The following RNF13 variants were observed in gnomAD, a reference collection of about 807,000 sequenced individuals.
The protein encoded by RNF13 is E3 ubiquitin-protein ligase RNF13.
In RNF13, 19 loss-of-function variants were observed where a neutral mutation model predicts 37.7. That is an observed-to-expected ratio of 0.50 (90% CI 0.35 to 0.74). RNF13 has a LOEUF of 0.74. Ranked by LOEUF, RNF13 falls within the 30% of genes least tolerant of loss-of-function variation. The pLI is 0.01. For synonymous variants in RNF13, 144 were observed against 157.8 expected (o/e 0.91, Z 0.65); for missense variants, 375 against 453.0 (o/e 0.83, Z 1.56).
At chr3:149,875,927 A>C (rs1449517498) in intron 4 of RNF13, among the ~76,000 whole-genome samples, 3 of 2,024 alleles carry the variant, frequency 1.5e-3, no homozygotes. Flanking sequence ...TTTGAGGGAG[A>C]TATTTCTCAA....
intron 1 of RNF13, among the ~76,000 whole-genome samples, chr3:149,844,126 C>A (rs1242220911): frequency 6.6e-6 from 1 of 152,106 alleles, no homozygotes; most frequent in Non-Finnish European, 1.5e-5. Context: ...ACAACTATAC[C>A]TTATTTTGTA....
chr3:149,836,821 T>C (rs752354374), intron 1 of RNF13, among the ~76,000 whole-genome samples: 5 of 152,224 alleles, frequency 3.3e-5, no homozygotes, highest in Non-Finnish European at 5.9e-5. Context: ...CTCAGCCTGC[T>C]AAGGAAGGAA....
At position 149,960,736 on chromosome 3, in the gene RNF13, A is replaced by G; in HGVS notation, c.782-4A>G. ...AACTAAAGATGTATATTTTGCTTCAACAGCTTATCACTGCAAGTGTGTAGA... is the reference window on the plus strand; with the variant it reads ...AACTAAAGATGTATATTTTGCTTCAGCAGCTTATCACTGCAAGTGTGTAGA... On this transcript the variant is annotated splice_region_variant and splice_polypyrimidine_tract_variant and intron_variant, in intron 9 of 9. Transcript: ENST00000392894. 1 of 1,592,656 alleles carries G rather than the reference A, an allele frequency of 6.3e-7. No homozygotes were observed. Among genetic ancestry groups the G allele is most frequent in the Non-Finnish European group, 8.5e-7 (1 of 1,172,584 alleles).
intron 8 of RNF13, among the ~76,000 whole-genome samples, chr3:149,922,630 C>T (rs1718261453): frequency 6.6e-6 from 1 of 152,126 alleles, no homozygotes; most frequent in Non-Finnish European, 1.5e-5. Flanking sequence ...GTTGTATTAA[C>T]TAAACACATA....
intron 6 of RNF13, among the ~76,000 whole-genome samples, chr3:149,905,169 A>G (rs938803701): frequency 6.6e-6 from 1 of 152,148 alleles, no homozygotes; most frequent in African/African-American, 2.4e-5. Context: ...TTTTTGCTAG[A>G]TATTGTCAAT....
intron 1 of RNF13, among the ~76,000 whole-genome samples, chr3:149,814,957 T>G (rs1719277430): frequency 6.6e-6 from 1 of 152,088 alleles, no homozygotes; most frequent in African/African-American, 2.4e-5. Context: ...AACCTCTGCC[T>G]TTGTTTGAAG....
rs191327402 is a variant in RNF13, at chr3:149,831,009, G to A, written c.-16-15002G>A. The stretch of plus-strand genomic sequence containing the variant: ...TCCACGTGGTGTTGAGCTGCAAGGT[G>A]CACAGAAGTCCAGAACTGAGGTTTG... On this transcript the variant is annotated intron_variant, in intron 1 of 9. Transcript: ENST00000392894. Among the ~76,000 whole-genome samples the A allele has an allele frequency of 5.3e-5, 8 of 152,380 alleles. No individual in the cohort carries two copies. The East Asian group carries it at 1.2e-3, about 22-fold the overall frequency.
intron 8 of RNF13, among the ~76,000 whole-genome samples, chr3:149,956,759 C>T (rs1163259179): frequency 6.6e-6 from 1 of 152,164 alleles, no homozygotes; most frequent in Non-Finnish European, 1.5e-5. Context: ...GACATCTTAT[C>T]CACTAGTGAA....
chr3:149,950,912 G>C (rs1349925685), intron 8 of RNF13, among the ~76,000 whole-genome samples: 1 of 152,126 alleles, frequency 6.6e-6, no homozygotes, highest in African/African-American at 2.4e-5. Context: ...ATGTAGGTTA[G>C]AGCTGATGGG....
rs991855687 is a variant in RNF13 at position 149,824,341 on chromosome 3, G to A, written c.-17+10988G>A. Reference sequence around the variant, plus strand: ...AAGGAACTTTGCAGATGTGATTAAGGACCTCGGGTTGGGAAGATTATCTGT... The same window carrying A: ...AAGGAACTTTGCAGATGTGATTAAGAACCTCGGGTTGGGAAGATTATCTGT... On this transcript the variant is annotated intron_variant, in intron 1 of 9. Coordinates refer to ENST00000392894, the MANE Select transcript of RNF13 (RefSeq NM_183381.3). 4.6e-5 allele frequency among the ~76,000 whole-genome samples: 7 copies of A among 152,322 alleles called. No individual in the cohort carries two copies. The East Asian group carries it at 1.4e-3, about 29-fold the overall frequency.
intron 7 of RNF13, among the ~76,000 whole-genome samples, chr3:149,917,996 T>C (rs977232678): frequency 3.9e-5 from 6 of 152,200 alleles, no homozygotes; most frequent in Non-Finnish European, 4.4e-5. Flanking sequence ...TTTTCTATTT[T>C]CTGAAGCAGT....
chr3:149,856,025 A>G (rs1435288953), intron 3 of RNF13, among the ~76,000 whole-genome samples: 4 of 152,100 alleles, frequency 2.6e-5, no homozygotes, highest in Non-Finnish European at 5.9e-5. Context: ...CTCGATAAGC[A>G]TAATCTTATT....
At chr3:149,834,789 C>T (rs895483869) in intron 1 of RNF13, among the ~76,000 whole-genome samples, 2 of 152,176 alleles carry the variant, frequency 1.3e-5, no homozygotes, top group Admixed American at 6.5e-5. Flanking sequence ...TGGTACCATC[C>T]TTCTTGTACA....
chr3:149,943,008 C>G (rs1479014664), intron 8 of RNF13, among the ~76,000 whole-genome samples: 1 of 151,984 alleles, frequency 6.6e-6, no homozygotes, highest in Non-Finnish European at 1.5e-5. Context: ...TATGTTAAAC[C>G]ATCCTTTCAT....
At chr3:149,909,420 T>G (rs1360838936) in intron 6 of RNF13, among the ~76,000 whole-genome samples, 1 of 150,614 alleles carries the variant, frequency 6.6e-6, no homozygotes. Context: ...GGACTACAGG[T>G]GCTGGCCACC....
intron 8 of RNF13, among the ~76,000 whole-genome samples, chr3:149,931,395 C>G (rs1719147293): frequency 6.6e-6 from 1 of 151,994 alleles, no homozygotes; most frequent in Non-Finnish European, 1.5e-5. Context: ...TTGATTTGTT[C>G]AATTTTTATT....
intron 1 of RNF13, among the ~76,000 whole-genome samples, chr3:149,827,570 A>G (rs1559889852): frequency 6.6e-6 from 1 of 152,172 alleles, no homozygotes; most frequent in Non-Finnish European, 1.5e-5. Context: ...TACTTGTGAT[A>G]CATCCATAAA....
intron 1 of RNF13, among the ~76,000 whole-genome samples, chr3:149,840,002 G>A (rs1188924547): frequency 1.3e-5 from 2 of 152,008 alleles, no homozygotes; most frequent in African/African-American, 4.8e-5. Flanking sequence ...CACCCATCTT[G>A]TGGTATCTTA....
chr3:149,876,933 C>T (rs1037596731), intron 4 of RNF13, among the ~76,000 whole-genome samples: 10 of 151,862 alleles, frequency 6.6e-5, no homozygotes, highest in African/African-American at 2.4e-4. Flanking sequence ...TGCGTGCCAC[C>T]ACGCCCCACT....
Sources: gnomAD v4.1 joint callset for allele counts (sites outside exome capture counted in the v4.1 genomes callset) on GRCh38, gnomAD v4.1.1 for gene constraint, MANE v1.5 for transcripts, NCBI Gene and HGNC (gene_info 2026-07-23, HGNC 2026-07-21) for gene names.